GRIN2B: variants seen among roughly 807,000 people sequenced by gnomAD.
GRIN2B encodes glutamate ionotropic receptor NMDA type subunit 2B, also known as glutamate receptor ionotropic, NMDA 2B.
In GRIN2B, 5 loss-of-function variants were observed where a neutral mutation model predicts 114.5. The ratio of observed to expected loss-of-function variants is 0.04; its 90% confidence interval spans 0.02 to 0.09. The LOEUF (loss-of-function observed/expected upper bound fraction) is 0.09, where lower values mean the gene tolerates loss of function less well. Among genes scored for constraint, GRIN2B ranks in the 10% least tolerant of loss-of-function variants. GRIN2B has a pLI of 1.00. For synonymous variants in GRIN2B, 787 were observed against 745.1 expected (o/e 1.06, Z -0.92); for missense variants, 1,108 against 1,943.5 (o/e 0.57, Z 8.08).
intron 3 of GRIN2B, among the ~76,000 whole-genome samples, chr12:13,833,037 C>CA (rs1354737314): frequency 7.9e-5 from 12 of 152,128 alleles, no homozygotes; most frequent in Non-Finnish European, 1.3e-4. Flanking sequence ...GTAAAAGTGG[C>CA]TCTGTATACT....
intron 2 of GRIN2B, among the ~76,000 whole-genome samples, chr12:13,971,696 A>G (rs1369282964): frequency 6.6e-6 from 1 of 152,176 alleles, no homozygotes; most frequent in East Asian, 1.9e-4. Flanking sequence ...TTTTTCTCCG[A>G]AACAAGAAAT....
intron 4 of GRIN2B, among the ~76,000 whole-genome samples, chr12:13,736,731 C>T (rs889495240): frequency 6.6e-6 from 1 of 152,110 alleles, no homozygotes; most frequent in African/African-American, 2.4e-5. Flanking sequence ...AATATTAGAA[C>T]ATGCAATATA....
chr12:13,651,828 C>T (rs1020658117), intron 5 of GRIN2B, among the ~76,000 whole-genome samples: 1 of 152,056 alleles, frequency 6.6e-6, no homozygotes, highest in Non-Finnish European at 1.5e-5. Flanking sequence ...TTGATATTTG[C>T]GTAATCCTGA....
At chr12:13,922,816 T>C (rs1866846050) in intron 2 of GRIN2B, among the ~76,000 whole-genome samples, 2 of 152,184 alleles carry the variant, frequency 1.3e-5, no homozygotes, top group South Asian at 2.1e-4. Context: ...AAAATCTCCA[T>C]GGAATTGTCA....
In GRIN2B at chr12:13,558,959, G is replaced by A. The variant is rs928941143; in HGVS notation, c.*3824C>T. 3 of 152,214 alleles carry A rather than the reference G, an allele frequency of 2.0e-5. No homozygotes were observed. Among genetic ancestry groups the A allele is most frequent in the African/African-American group, 7.2e-5 (3 of 41,454 alleles). The allele number at this position is 152,214 out of a possible 1,614,324, so 9.4% of individuals were successfully genotyped here. On this transcript the variant is annotated 3_prime_UTR_variant, in exon 14 of 14. Coordinates refer to ENST00000609686, the MANE Select transcript of GRIN2B (RefSeq NM_000834.5). Reference sequence around the variant, plus strand: ...CTCACCAACCACTTCTGCAATGGAAGGGAATGATAGAGGGTACAAAGCGAG... The same window carrying A: ...CTCACCAACCACTTCTGCAATGGAAAGGAATGATAGAGGGTACAAAGCGAG...
chr12:13,740,458 C>T (rs975158708), intron 4 of GRIN2B, among the ~76,000 whole-genome samples: 3 of 151,648 alleles, frequency 2.0e-5, no homozygotes, highest in African/African-American at 7.3e-5. Context: ...GTGGGCCCCA[C>T]ATGTCCCGTT....
intron 5 of GRIN2B, among the ~76,000 whole-genome samples, chr12:13,665,587 T>A (rs1949966447): frequency 6.6e-6 from 1 of 152,152 alleles, no homozygotes; most frequent in African/African-American, 2.4e-5. Flanking sequence ...TACACCCAGC[T>A]CTGCCACTCC....
In GRIN2B at chr12:13,563,480, T is replaced by C; in HGVS notation, c.3758A>G (p.Asp1253Gly). ...EACKKAGNLYDISEDNSLQEL... is the reference protein window; with the variant it reads ...EACKKAGNLYGISEDNSLQEL... ...CTGCAGGGAGTTGTCCTCACTGATG[T>C]CATACAGGTTGCCTGCTTTCTTGCA... Residue 1253 changes from aspartate (D) to glycine (G), a missense_variant, in exon 14 of 14, where the codon GAC (aspartate) becomes GGC (glycine). Asp to Gly is a moderately conservative substitution (Grantham distance 94, BLOSUM62 -1). This residue lies in a region of GRIN2B where 478 missense variants were observed against 506.0 expected (regional missense o/e 0.94). Coordinates refer to ENST00000609686, the MANE Select transcript of GRIN2B (RefSeq NM_000834.5). The C allele has an allele frequency of 6.2e-7, 1 of 1,614,168 alleles. No homozygotes were observed. The highest frequency in any genetic ancestry group is 8.5e-7 in the Non-Finnish European group (1 of 1,180,036).
At chr12:13,808,766 T>TATATATATATATAC (rs1229808539) in intron 3 of GRIN2B, among the ~76,000 whole-genome samples, 1 of 146,818 alleles carries the variant, frequency 6.8e-6, no homozygotes, top group Non-Finnish European at 1.5e-5. Flanking sequence ...TATATATATA[T>TATATATATATATAC]ATATACATAT....
At chr12:13,734,243 CA>C (rs1863143516) in intron 4 of GRIN2B, among the ~76,000 whole-genome samples, 1 of 152,212 alleles carries the variant, frequency 6.6e-6, no homozygotes, top group African/African-American at 2.4e-5. Context: ...GGAAATAGAG[CA>C]GCTTGTTATA....
intron 3 of GRIN2B, among the ~76,000 whole-genome samples, chr12:13,800,184 T>A (rs2058878): frequency 0.43 from 64,669 of 151,908 alleles, 14,932 homozygotes; most frequent in Non-Finnish European, 0.53. Flanking sequence ...TCTTAGAACC[T>A]GATGACTAAC....
intron 2 of GRIN2B, among the ~76,000 whole-genome samples, chr12:13,912,495 A>C (rs1382048999): frequency 6.6e-6 from 1 of 152,214 alleles, no homozygotes; most frequent in African/African-American, 2.4e-5. Context: ...TTAGGGTTTC[A>C]GGGAGTATGG....
intron 2 of GRIN2B, among the ~76,000 whole-genome samples, chr12:13,868,283 T>C (rs1387699435): frequency 6.6e-6 from 1 of 152,164 alleles, no homozygotes; most frequent in Non-Finnish European, 1.5e-5. Flanking sequence ...AATGACTCCA[T>C]GAGCCCTGGA....
At position 13,562,930 on chromosome 12, in the gene GRIN2B, C is replaced by T. The variant is rs1369468359; in HGVS notation, c.4308G>A (p.Gly1436=). 2 of 1,614,048 alleles carry T rather than the reference C, an allele frequency of 1.2e-6. No homozygotes were observed. The highest frequency in any genetic ancestry group is 1.7e-6 in the Non-Finnish European group (2 of 1,180,034). Reference sequence around the variant, plus strand: ...CCTTCTGGAAACGGGCTGGCACGGCCCCATGAAGGGCCGAGACCACCGGCT... The same window carrying T: ...CCTTCTGGAAACGGGCTGGCACGGCTCCATGAAGGGCCGAGACCACCGGCT... The part of the protein sequence containing the change: ...TNKPVVSALH[G]AVPARFQKDI... The change falls in exon 14 of 14, where the codon GGG becomes GGA. Residue 1436 remains glycine (G), a synonymous_variant. Transcript: ENST00000609686.
intron 2 of GRIN2B, among the ~76,000 whole-genome samples, chr12:13,955,411 C>T (rs1195877187): frequency 6.6e-6 from 1 of 152,114 alleles, no homozygotes; most frequent in Non-Finnish European, 1.5e-5. Flanking sequence ...ACAGAAAGGA[C>T]AGAAGACTCA....
intron 4 of GRIN2B, among the ~76,000 whole-genome samples, chr12:13,743,325 T>C (rs1175514525): frequency 6.6e-6 from 1 of 152,152 alleles, no homozygotes; most frequent in African/African-American, 2.4e-5. Flanking sequence ...TGTGACCTCT[T>C]GTCCTTTAGG....
chr12:13,767,191 C>T (rs1211774716), intron 3 of GRIN2B, among the ~76,000 whole-genome samples: 2 of 144,214 alleles, frequency 1.4e-5, no homozygotes, highest in Middle Eastern at 3.6e-3. Context: ...GGCCGGGAGG[C>T]GGAGCTTGCA....
intron 2 of GRIN2B, among the ~76,000 whole-genome samples, chr12:13,866,723 C>G (rs903439029): frequency 6.6e-6 from 1 of 152,150 alleles, no homozygotes; most frequent in African/African-American, 2.4e-5. Context: ...CTGCCTTCAC[C>G]TTATGTTTGC....
intron 3 of GRIN2B, among the ~76,000 whole-genome samples, chr12:13,791,467 A>AT (rs1035802014): frequency 5.3e-5 from 8 of 151,436 alleles, no homozygotes; most frequent in Non-Finnish European, 7.4e-5. Context: ...AAAAAATAAA[A>AT]AAAAAAAATT....
Sources: allele counts gnomAD v4.1 joint callset (sites outside exome capture counted in the v4.1 genomes callset), GRCh38; gene constraint gnomAD v4.1.1; regional missense constraint gnomAD v4.1.1; transcripts MANE v1.5; gene names NCBI Gene and HGNC (gene_info 2026-07-23, HGNC 2026-07-21).